Variants in WNK1 observed in about 807,000 individuals in gnomAD.
WNK1 encodes the protein WNK lysine deficient protein kinase 1.
Under a neutral mutation model 222.8 loss-of-function variants are expected in WNK1, and 38 were observed. The ratio of observed to expected loss-of-function variants is 0.17; its 90% CI spans 0.13 to 0.22. The LOEUF (loss-of-function observed/expected upper bound fraction) is 0.22, where lower values mean the gene tolerates loss of function less well. Among genes scored for constraint, WNK1 ranks in the 10% least tolerant of loss-of-function variants. WNK1 has a pLI of 1.00. For synonymous variants in WNK1, 1,090 were observed against 1,092.9 expected (o/e 1.00, Z 0.05); for missense variants, 2,348 against 2,918.4 (o/e 0.80, Z 4.50).
At chr12:783,667 A>G (rs1201005618) in intron 1 of WNK1, among the ~76,000 whole-genome samples, 3 of 40,480 alleles carry the variant, frequency 7.4e-5, no homozygotes, top group African/African-American at 3.7e-4. Flanking sequence ...GCACAGCGGC[A>G]TGTGCCTGTA....
intron 4 of WNK1, among the ~76,000 whole-genome samples, chr12:854,353 A>G (rs551787924): frequency 0.019 from 1,119 of 57,524 alleles, 18 homozygotes; most frequent in Non-Finnish European, 0.026. Flanking sequence ...ACTTATCATT[A>G]TCTTTTTTTT....
At chr12:824,675 A>AAGAG (rs10699882) in intron 2 of WNK1, among the ~76,000 whole-genome samples, 105,672 of 151,352 alleles carry the variant, frequency 0.7, 37,535 homozygotes, top group East Asian at 0.87. Flanking sequence ...AGTTAAAAAA[A>AAGAG]AGAGAGAAGT....
chr12:855,816 A>G (rs1246433591), intron 4 of WNK1, among the ~76,000 whole-genome samples: 1 of 151,716 alleles, frequency 6.6e-6, no homozygotes, highest in African/African-American at 2.4e-5. Context: ...TATATTTTCC[A>G]CACATTGCTG....
intron 22 of WNK1, among the ~76,000 whole-genome samples, chr12:892,687 A>G (rs1310920535): frequency 1.3e-5 from 2 of 152,176 alleles, no homozygotes; most frequent in Non-Finnish European, 2.9e-5. Context: ...GAACCAAAAA[A>G]CAATCAAAAG....
chr12:841,940 A>G (rs1237432242), intron 4 of WNK1, among the ~76,000 whole-genome samples: 4 of 152,234 alleles, frequency 2.6e-5, no homozygotes, highest in Non-Finnish European at 4.4e-5. Context: ...AGATTTCAAC[A>G]TAAAAATTTT....
At chr12:782,136 C>G (rs190182340) in intron 1 of WNK1, among the ~76,000 whole-genome samples, 1 of 152,110 alleles carries the variant, frequency 6.6e-6, no homozygotes, top group Non-Finnish European at 1.5e-5. Context: ...TCATTGTCAT[C>G]GACTGACTTT....
intron 1 of WNK1, among the ~76,000 whole-genome samples, chr12:811,647 A>G (rs892347059): frequency 1.3e-5 from 2 of 152,068 alleles, no homozygotes; most frequent in Non-Finnish European, 2.9e-5. Context: ...ATTGTCTTAA[A>G]GTCTTTTGGG....
chr12:883,018 G>A lies in WNK1; in HGVS notation c.3448G>A (p.Asp1150Asn), dbSNP rs767824819. 1.9e-6 allele frequency: 3 copies of A among 1,613,620 alleles called. No individual in the cohort carries two copies. Among genetic ancestry groups the A allele is most frequent in the African/African-American group, 1.3e-5 (1 of 75,030 alleles). The change falls in exon 15 of 28, where the codon GAC (aspartate) becomes AAC (asparagine). Residue 1150 changes from aspartate to asparagine, a missense_variant. Coordinates refer to ENST00000315939, the MANE Select transcript of WNK1 (RefSeq NM_018979.4). ...HNRKMVTFKF[D>N]LDGDNPEEIA... ...TAGGAAAATGGTTACATTCAAATTT[G>A]ACCTAGATGGTGACAACCCCGAGGA...
intron 4 of WNK1, among the ~76,000 whole-genome samples, chr12:856,477 G>T (rs189146103): frequency 2.6e-5 from 4 of 151,546 alleles, no homozygotes; most frequent in Admixed American, 2.0e-4. Flanking sequence ...AAATAAGAAA[G>T]AATTTATTTA....
At chr12:889,662 CA>C (rs1217798968) in intron 21 of WNK1, among the ~76,000 whole-genome samples, 1 of 151,892 alleles carries the variant, frequency 6.6e-6, no homozygotes, top group Non-Finnish European at 1.5e-5. Context: ...AGTAAAAATA[CA>C]AAAAATTATC....
At chr12:780,902 C>A (rs539097509) in intron 1 of WNK1, among the ~76,000 whole-genome samples, 1 of 152,280 alleles carries the variant, frequency 6.6e-6, no homozygotes, top group Admixed American at 6.5e-5. Flanking sequence ...CAGTCTGATT[C>A]CTGCAACACC....
intron 10 of WNK1, 40 bp from the exon 11 acceptor site, chr12:879,533 T>TTTTA: frequency 8.6e-7 from 1 of 1,167,122 alleles, no homozygotes; most frequent in South Asian, 1.3e-5. Context: ...TTTTTTTTTT[T>TTTTA]TTTTAAGCCT....
In WNK1 at chr12:813,814, C is replaced by T. The variant is rs894110021; in HGVS notation, c.932C>T (p.Thr311Met). ...TELMTSGTLK[T>M]YLKRFKVMKI... is the part of the protein sequence containing the mutation. The stretch of plus-strand genomic sequence containing the variant: ...CTTATGACGTCTGGAACACTTAAAA[C>T]GTAAGTTCATCAGTATTACAAAAGC... Residue 311 changes from threonine (T) to methionine (M), a missense_variant and splice_region_variant, in exon 2 of 28, where the codon ACG becomes ATG. Thr to Met is a moderately conservative substitution (Grantham distance 81). Around this residue, in one of 13 missense-constraint regions of WNK1, gnomAD observed 57 missense variants for 219.0 expected, o/e 0.26. Transcript: ENST00000315939. 1.1e-5 allele frequency: 17 copies of T among 1,613,370 alleles called. No individual in the cohort carries two copies. The highest frequency in any genetic ancestry group is 1.4e-5 in the Non-Finnish European group (16 of 1,179,716).
Position 753,604 on chromosome 12 carries a change from C to G in WNK1, c.39C>G (p.Pro13=). 6.2e-7 allele frequency: 1 copy of G among 1,612,790 alleles called. No homozygotes were observed. The highest frequency in any genetic ancestry group is 8.5e-7 in the Non-Finnish European group (1 of 1,179,944). The change falls in exon 1 of 28, where the codon CCC becomes CCG. Residue 13 remains proline, a synonymous_variant. Coordinates refer to ENST00000315939, the MANE Select transcript of WNK1 (RefSeq NM_018979.4). This position sits in a 1 kb window ranked among gnomAD's most constrained non-coding sequence, Gnocchi z 5.2. ...CCGCAGAGAAGCAGAGCAGCACTCC[C>G]GGTTCCCTGTTCCTCTCGCCGCCGG... ...GGAAEKQSST[P]GSLFLSPPAP... is the part of the protein sequence containing the mutation.
In WNK1 at chr12:827,818, C is replaced by A. The variant is rs1276597635; in HGVS notation, c.1153+556C>A. On this transcript the variant is annotated intron_variant, in intron 3 of 27. Coordinates refer to ENST00000315939, the MANE Select transcript of WNK1 (RefSeq NM_018979.4). This position sits in a 1 kb window ranked among gnomAD's most constrained non-coding sequence, Gnocchi z 4.6. ...TGTTGGGATTACAGGCGTGAGCCAC[C>A]CCGCCCAGCCAGCCATCTTTTCATT... Among the ~76,000 whole-genome samples the A allele has an allele frequency of 6.6e-6, 1 of 152,040 alleles. No individual in the cohort carries two copies. The highest frequency in any genetic ancestry group is 1.5e-5 in the Non-Finnish European group (1 of 67,980).
chr12:846,446 T>C, intron 4 of WNK1, among the ~76,000 whole-genome samples: 1 of 152,192 alleles, frequency 6.6e-6, no homozygotes, highest in East Asian at 1.9e-4. Context: ...CAAGCTTTCA[T>C]GTATTCAGAG....
At chr12:804,438 T>C (rs1405342209) in intron 1 of WNK1, among the ~76,000 whole-genome samples, 2 of 147,128 alleles carry the variant, frequency 1.4e-5, no homozygotes, top group Non-Finnish European at 3.0e-5. Context: ...TTTGGCGCGA[T>C]CTCAGCTCAC....
At chr12:826,442 T>A (rs896165416) in intron 2 of WNK1, among the ~76,000 whole-genome samples, 2 of 152,188 alleles carry the variant, frequency 1.3e-5, no homozygotes, top group Non-Finnish European at 2.9e-5. Flanking sequence ...GGCCCTTTCC[T>A]TAGGTAAAAA....
chr12:851,201 T>C (rs72648644), intron 4 of WNK1, among the ~76,000 whole-genome samples: 4 of 152,188 alleles, frequency 2.6e-5, no homozygotes, highest in African/African-American at 9.7e-5. Flanking sequence ...TTTGGCTACA[T>C]ATTCTGAGTT....
Sources: gnomAD v4.1 joint callset for allele counts (sites outside exome capture counted in the v4.1 genomes callset) on GRCh38, gnomAD v4.1.1 for gene constraint, gnomAD v4.1.1 regional missense constraint, Gnocchi (gnomAD v3.1) non-coding constraint, MANE v1.5 for transcripts, NCBI Gene and HGNC (gene_info 2026-07-23, HGNC 2026-07-21) for gene names.